The following MCTP1 variants were observed in gnomAD, a reference collection of about 807,000 sequenced individuals.
MCTP1 encodes the protein multiple C2 and transmembrane domain-containing protein 1.
In MCTP1, 69 loss-of-function variants were observed where a neutral mutation model predicts 120.6. The observed-to-expected ratio is 0.57, with a 90% CI of 0.47 to 0.70. The LOEUF is 0.70. Ranked by LOEUF, MCTP1 falls within the 30% of genes least tolerant of loss-of-function variation. The pLI is 0.00. For synonymous variants in MCTP1, 529 were observed against 493.1 expected, an observed-to-expected ratio of 1.07 and a Z score of -0.96; for missense variants, 1,203 against 1,248.8, an observed-to-expected ratio of 0.96 and a Z score of 0.55.
At chr5:94,932,058 T>C in intron 5 of MCTP1, 67 bp from the exon 6 acceptor site, 6 of 1,122,334 alleles carry the variant, frequency 5.3e-6, no homozygotes, top group Non-Finnish European at 8.0e-6. Flanking sequence ...GCCAGTTGTT[T>C]TTTAGCGGAA....
intron 17 of MCTP1, among the ~76,000 whole-genome samples, chr5:94,829,016 A>AC (rs1787895282): frequency 4.7e-5 from 1 of 21,230 alleles, no homozygotes; most frequent in Non-Finnish European, 2.3e-4. Context: ...AACAACAACA[A>AC]AAAAAAAACT....
chr5:95,213,990 C>A (rs1435895589), intron 1 of MCTP1, among the ~76,000 whole-genome samples: 1 of 152,046 alleles, frequency 6.6e-6, no homozygotes, highest in Non-Finnish European at 1.5e-5. Flanking sequence ...AAAGCAATGG[C>A]AACAAAAGCC....
At chr5:94,842,285 T>C (rs565334485) in intron 17 of MCTP1, among the ~76,000 whole-genome samples, 1 of 152,330 alleles carries the variant, frequency 6.6e-6, no homozygotes, top group South Asian at 2.1e-4. Flanking sequence ...ATTGAGAGAC[T>C]ATTAGTATTC....
intron 1 of MCTP1, among the ~76,000 whole-genome samples, chr5:95,231,608 G>A (rs1754955071): frequency 6.6e-6 from 1 of 152,186 alleles, no homozygotes; most frequent in Non-Finnish European, 1.5e-5. Context: ...CTGAGTAGCT[G>A]TAGCAGAGCC....
At chr5:94,831,477 A>G (rs771869809) in intron 17 of MCTP1, among the ~76,000 whole-genome samples, 3 of 152,246 alleles carry the variant, frequency 2.0e-5, no homozygotes, top group Non-Finnish European at 4.4e-5. Flanking sequence ...TTTTTTTATA[A>G]GATCCTTGTG....
At chr5:95,110,986 G>A (rs1233625431) in intron 1 of MCTP1, among the ~76,000 whole-genome samples, 2 of 152,150 alleles carry the variant, frequency 1.3e-5, no homozygotes, top group African/African-American at 4.8e-5. Context: ...CCATGTGAGA[G>A]GACTTATTTT....
intron 19 of MCTP1, among the ~76,000 whole-genome samples, chr5:94,767,823 T>C (rs1773140396): frequency 6.6e-6 from 1 of 152,178 alleles, no homozygotes; most frequent in Non-Finnish European, 1.5e-5. Context: ...AAAATGACTA[T>C]ACTACACAAA....
chr5:94,777,084 A>G (rs1775533235), intron 19 of MCTP1, among the ~76,000 whole-genome samples: 1 of 152,154 alleles, frequency 6.6e-6, no homozygotes, highest in African/African-American at 2.4e-5. Flanking sequence ...TTATCGCTCA[A>G]ATAAAAGGGT....
intron 1 of MCTP1, among the ~76,000 whole-genome samples, chr5:95,115,112 C>T (rs781642690): frequency 1.3e-5 from 2 of 152,126 alleles, no homozygotes; most frequent in African/African-American, 4.8e-5. Flanking sequence ...TAGGTAACAA[C>T]ACCCAAGTCC....
At chr5:95,164,448 A>C (rs556667779) in intron 1 of MCTP1, among the ~76,000 whole-genome samples, 79 of 152,272 alleles carry the variant, frequency 5.2e-4, no homozygotes, top group African/African-American at 1.8e-3. Context: ...CTCTCCCCCC[A>C]AAAAATGCTT....
chr5:94,716,380 T>C (rs1433847012), intron 19 of MCTP1, among the ~76,000 whole-genome samples: 1 of 151,728 alleles, frequency 6.6e-6, no homozygotes, highest in Non-Finnish European at 1.5e-5. Context: ...AATTTATCTT[T>C]CACACTCTCC....
At chr5:94,821,429 T>C (rs1785624768) in intron 17 of MCTP1, among the ~76,000 whole-genome samples, 1 of 152,218 alleles carries the variant, frequency 6.6e-6, no homozygotes, top group Non-Finnish European at 1.5e-5. Flanking sequence ...TTCCCCTGTC[T>C]AGTACTTGAG....
chr5:94,733,963 G>GA (rs34669127), intron 19 of MCTP1, among the ~76,000 whole-genome samples: 32,767 of 134,038 alleles, frequency 0.24, 3,792 homozygotes, highest in East Asian at 0.36. Context: ...GACTCTGTCT[G>GA]AAAAAAAAAA....
Position 94,932,001 on chromosome 5 carries a change from A to T in MCTP1, c.1174-10T>A. 1 of 1,579,396 alleles carries T rather than the reference A, an allele frequency of 6.3e-7. No homozygotes were observed. The highest frequency in any genetic ancestry group is 1.1e-5 in the South Asian group (1 of 89,872). On this transcript the variant is annotated splice_polypyrimidine_tract_variant and intron_variant, in intron 5 of 22. Transcript: ENST00000515393. Reference sequence around the variant, plus strand: ...TCCTCATTAGCATTGTCTGTAAATAAAATAAAGCATTTTCATTATCTTTTC... The same window carrying T: ...TCCTCATTAGCATTGTCTGTAAATATAATAAAGCATTTTCATTATCTTTTC...
intron 9 of MCTP1, among the ~76,000 whole-genome samples, chr5:94,912,375 A>G (rs1446924981): frequency 1.5e-5 from 2 of 137,652 alleles, no homozygotes. Context: ...CAGTGAGCCA[A>G]GATCATGCCA....
intron 1 of MCTP1, among the ~76,000 whole-genome samples, chr5:95,077,846 A>C (rs1562121122): frequency 6.6e-6 from 1 of 152,188 alleles, no homozygotes. Context: ...GCTTATAGCT[A>C]TGTTCATTCC....
At chr5:95,270,931 C>CAAAAAAA (rs10655109) in intron 1 of MCTP1, among the ~76,000 whole-genome samples, 132 of 145,618 alleles carry the variant, frequency 9.1e-4, no homozygotes, top group African/African-American at 3.2e-3. Context: ...CTCTCTCTCT[C>CAAAAAAA]AAAAAAAAAA....
intron 17 of MCTP1, among the ~76,000 whole-genome samples, chr5:94,844,172 G>A (rs551473712): frequency 1.4e-4 from 21 of 151,720 alleles, no homozygotes; most frequent in East Asian, 3.9e-4. Context: ...GTGTAGTGGC[G>A]GATGCCTGTA....
chr5:94,989,724 A>T (rs1384177821), intron 2 of MCTP1, among the ~76,000 whole-genome samples: 1 of 152,124 alleles, frequency 6.6e-6, no homozygotes, highest in Admixed American at 6.5e-5. Flanking sequence ...TAGAACTTTC[A>T]ACCCCATCCC....
Sources: gnomAD v4.1 joint callset for allele counts (sites outside exome capture counted in the v4.1 genomes callset) on GRCh38, gnomAD v4.1.1 for gene constraint, MANE v1.5 for transcripts, NCBI Gene and HGNC (gene_info 2026-07-23, HGNC 2026-07-21) for gene names.